The following FGD5 variants were observed in gnomAD, a reference collection of about 807,000 sequenced individuals.
The protein encoded by FGD5 is FYVE, RhoGEF and PH domain-containing protein 5.
A neutral mutation model predicts 133.4 loss-of-function variants in FGD5; 28 were observed. That is an observed-to-expected ratio of 0.21 (90% CI 0.16 to 0.29). The LOEUF (loss-of-function observed/expected upper bound fraction) is 0.29, where lower values mean the gene tolerates loss of function less well. FGD5 is among the 10% of genes least tolerant of loss of function. FGD5 has a pLI of 1.00. For missense variants in FGD5, 1,858 were observed against 1,895.2 expected (o/e 0.98, Z 0.36); for synonymous variants, 810 against 776.5 (o/e 1.04, Z -0.72).
At chr3:14,907,457 G>A (rs1383495126) in intron 9 of FGD5, among the ~76,000 whole-genome samples, 183 bp from the exon 10 acceptor site, 1 of 152,228 alleles carries the variant, frequency 6.6e-6, no homozygotes, top group Non-Finnish European at 1.5e-5. Flanking sequence ...GAGCCATGGT[G>A]GTGGCTCCCT....
intron 9 of FGD5, among the ~76,000 whole-genome samples, chr3:14,902,768 T>C (rs2038266039): frequency 6.6e-6 from 1 of 152,148 alleles, no homozygotes; most frequent in African/African-American, 2.4e-5. Flanking sequence ...TAGCAGCAGA[T>C]GGGCTGGGTT....
intron 1 of FGD5, among the ~76,000 whole-genome samples, chr3:14,851,251 A>T (rs1206877471): frequency 6.6e-6 from 1 of 152,156 alleles, no homozygotes. Flanking sequence ...ATGTCATCTC[A>T]TCTGATCCCT....
At chr3:14,811,200 A>G (rs1283635655) in intron 1 of FGD5, among the ~76,000 whole-genome samples, 6 of 152,102 alleles carry the variant, frequency 3.9e-5, no homozygotes, top group African/African-American at 1.2e-4. Flanking sequence ...CTTTCGCAAA[A>G]GCGACTTCGT....
rs773108060 is a variant in FGD5 at position 14,918,751 on chromosome 3, C to T, written c.3490-3C>T. On this transcript the variant is annotated splice_region_variant and splice_polypyrimidine_tract_variant and intron_variant, in intron 12 of 19. Transcript: ENST00000285046. Reference sequence around the variant, plus strand: ...CTGAAGGAGGCTGCTGTTGGTTTTCCAGGTCAGCCGCCCTGTGATGGAGAA... The same window carrying T: ...CTGAAGGAGGCTGCTGTTGGTTTTCTAGGTCAGCCGCCCTGTGATGGAGAA... 5.6e-6 allele frequency: 9 copies of T among 1,613,954 alleles called. No homozygotes were observed. The highest frequency in any genetic ancestry group is 4.4e-5 in the South Asian group (4 of 91,076).
At chr3:14,876,452 A>T (rs2037721712) in intron 2 of FGD5, among the ~76,000 whole-genome samples, 1 of 152,216 alleles carries the variant, frequency 6.6e-6, no homozygotes, top group East Asian at 1.9e-4. Context: ...GAAAATTTTG[A>T]AACATCTTTT....
rs955695760 is a variant in FGD5, at chr3:14,933,400, C to T, written c.*233C>T. ...TTTTCTGTGTTTTCCACCCCTACCC[C>T]CACCCGCCACCCAGTAATAAACTAT... On this transcript the variant is annotated 3_prime_UTR_variant, in exon 20 of 20. Transcript: ENST00000285046. 2 of 550,822 alleles carry T rather than the reference C, an allele frequency of 3.6e-6. No individual in the cohort carries two copies. Among genetic ancestry groups the T allele is most frequent in the South Asian group, 2.3e-5 (1 of 44,172 alleles). The allele number at this position is 550,822 out of a possible 1,614,324, so 34.1% of individuals were successfully genotyped here.
At chr3:14,871,172 C>A (rs1040969233) in intron 2 of FGD5, among the ~76,000 whole-genome samples, 1 of 152,206 alleles carries the variant, frequency 6.6e-6, no homozygotes, top group Non-Finnish European at 1.5e-5. Context: ...TTTCCTTATG[C>A]TGTAGTCTTG....
intron 4 of FGD5, among the ~76,000 whole-genome samples, chr3:14,887,909 A>G (rs2037954236): frequency 6.6e-6 from 1 of 152,114 alleles, no homozygotes. Flanking sequence ...CTCACACCTG[A>G]AGTCCCAACA....
In FGD5 at chr3:14,917,846, C is replaced by A. The variant is rs2038590730; in HGVS notation, c.3489+514C>A. On this transcript the variant is annotated intron_variant, in intron 12 of 19. Coordinates refer to ENST00000285046, the MANE Select transcript of FGD5 (RefSeq NM_152536.4). The surrounding 1 kb of genome is among the most constrained non-coding windows in gnomAD (Gnocchi z 4.1). ...AACTCTCCATTCCCCTCCTTCTCAG[C>A]CCCTGGCACCTACCATTCTACTTTC... 6.6e-6 allele frequency among the ~76,000 whole-genome samples: 1 copy of A among 152,214 alleles called. No individual in the cohort carries two copies.
chr3:14,825,206 G>A (rs2125072318), intron 1 of FGD5, among the ~76,000 whole-genome samples: 1 of 152,300 alleles, frequency 6.6e-6, no homozygotes, highest in Non-Finnish European at 1.5e-5. Flanking sequence ...ATAGTAGCAT[G>A]TTAGTAGCTA....
chr3:14,933,280 G>A lies in FGD5; in HGVS notation c.*113G>A. On this transcript the variant is annotated 3_prime_UTR_variant, in exon 20 of 20. Transcript: ENST00000285046. ...ACACACACCTGGATTCAGCAATGAG[G>A]CCTGACCTTTTTTGCTATAACCGCC... 1.6e-6 allele frequency: 2 copies of A among 1,276,598 alleles called. No individual in the cohort carries two copies. Among genetic ancestry groups the A allele is most frequent in the Non-Finnish European group, 2.2e-6 (2 of 896,686 alleles). 79.1% of individuals were successfully genotyped at this position (1,276,598 alleles called of 1,614,324 possible). A position where few individuals can be genotyped will look rare whatever the true frequency, so the allele number is the denominator to read the frequency against.
chr3:14,847,364 A>G (rs980319269), intron 1 of FGD5, among the ~76,000 whole-genome samples: 5 of 152,162 alleles, frequency 3.3e-5, no homozygotes, highest in East Asian at 3.8e-4. Flanking sequence ...GTCCGAGATC[A>G]TGGGGTGAGT....
intron 1 of FGD5, among the ~76,000 whole-genome samples, chr3:14,813,002 C>T (rs760425046): frequency 2.6e-5 from 4 of 152,016 alleles, no homozygotes; most frequent in African/African-American, 4.8e-5. Context: ...AATTGAGGTG[C>T]GGAGATTTTA....
chr3:14,894,676 T>A (rs891575172), intron 4 of FGD5, among the ~76,000 whole-genome samples: 3 of 28,872 alleles, frequency 1.0e-4, no homozygotes, highest in East Asian at 7.3e-4. Context: ...TCCAGCTAAT[T>A]TTTTTTTTTT....
At chr3:14,897,891 G>C (rs780972482) in intron 5 of FGD5, 48 bp from the exon 6 acceptor site, 1 of 1,610,474 alleles carries the variant, frequency 6.2e-7, no homozygotes, top group East Asian at 2.2e-5. Context: ...ACCCTGCGTT[G>C]GTTACAAGGC....
chr3:14,829,720 G>A (rs1480602061), intron 1 of FGD5, among the ~76,000 whole-genome samples: 4 of 152,152 alleles, frequency 2.6e-5, no homozygotes, highest in Admixed American at 6.5e-5. Context: ...GTTGGGGGGA[G>A]GTCATTGTAT....
At chr3:14,831,608 A>G (rs1168369068) in intron 1 of FGD5, among the ~76,000 whole-genome samples, 1 of 152,196 alleles carries the variant, frequency 6.6e-6, no homozygotes, top group Admixed American at 6.5e-5. Flanking sequence ...TGGCCCAGCC[A>G]CACCAGAGGG....
At chr3:14,828,567 C>G (rs1297626423) in intron 1 of FGD5, among the ~76,000 whole-genome samples, 1 of 152,144 alleles carries the variant, frequency 6.6e-6, no homozygotes, top group East Asian at 1.9e-4. Flanking sequence ...GTGAGTGAGC[C>G]TAGCCAGTTC....
In FGD5 at chr3:14,819,053, T is replaced by C. The variant is rs1389071987; in HGVS notation, c.-19T>C. The C allele has an allele frequency of 3.3e-6, 5 of 1,530,344 alleles. No homozygotes were observed. Among genetic ancestry groups the C allele is most frequent in the Non-Finnish European group, 4.4e-6 (5 of 1,138,638 alleles). 94.8% of individuals were successfully genotyped at this position (1,530,344 alleles called of 1,614,324 possible). On this transcript the variant is annotated 5_prime_UTR_variant, in exon 1 of 20. Coordinates refer to ENST00000285046, the MANE Select transcript of FGD5 (RefSeq NM_152536.4). The surrounding 1 kb of genome is among the most constrained non-coding windows in gnomAD (Gnocchi z 4.1). ...TCCCTTCCTCAGCCAGGCCCGAGAG[T>C]CTTCACAGTCCAAACTCCATGTTCA...
Sources: gnomAD v4.1 joint callset for allele counts (sites outside exome capture counted in the v4.1 genomes callset) on GRCh38, gnomAD v4.1.1 for gene constraint, Gnocchi (gnomAD v3.1) non-coding constraint, MANE v1.5 for transcripts, NCBI Gene and HGNC (gene_info 2026-07-23, HGNC 2026-07-21) for gene names.